The following MRPS15 variants were observed in gnomAD, a reference collection of about 807,000 sequenced individuals.
The protein encoded by MRPS15 is small ribosomal subunit protein uS15m.
In MRPS15, 25 loss-of-function variants were observed where a neutral mutation model predicts 30.7. The observed-to-expected ratio is 0.81, with a 90% CI of 0.59 to 1.14. The LOEUF (loss-of-function observed/expected upper bound fraction) is 1.14. Ranked by LOEUF, MRPS15 falls within the 50% of genes most tolerant of loss-of-function variation. The probability of loss-of-function intolerance (pLI) is 0.00; values close to 1 mark genes in which losing one functional copy is unlikely to be tolerated. For missense variants in MRPS15, 313 were observed against 321.7 expected, an observed-to-expected ratio of 0.97 and a Z score of 0.21; for synonymous variants, 124 against 120.1, an observed-to-expected ratio of 1.03 and a Z score of -0.21.
Position 36,464,320 on chromosome 1 carries a change from G to T in MRPS15, c.-45C>A. 1 of 1,590,650 alleles carries T rather than the reference G, an allele frequency of 6.3e-7. No homozygotes were observed. Among genetic ancestry groups the T allele is most frequent in the Non-Finnish European group, 8.6e-7 (1 of 1,167,832 alleles). ...GGGGCCCGCGCCGCGGCCGCCGTTC[G>T]CTTTGCGGCACGGACCGGGTTACAT... On this transcript the variant is annotated 5_prime_UTR_variant, in exon 1 of 8. Transcript: ENST00000373116.
intron 1 of MRPS15, 23 bp downstream of exon 1, chr1:36,464,123 C>T (rs776577189): frequency 3.1e-6 from 5 of 1,602,346 alleles, no homozygotes; most frequent in Non-Finnish European, 4.3e-6. Context: ...CTACGCCCGC[C>T]GTCCCATTTC....
chr1:36,464,112 C>T (rs1436214835), intron 1 of MRPS15, 34 bp downstream of exon 1: 1 of 1,606,518 alleles, frequency 6.2e-7, no homozygotes, highest in Non-Finnish European at 8.5e-7. Flanking sequence ...ACCCTGTTTC[C>T]CTACGCCCGC....
intron 5 of MRPS15, 80 bp downstream of exon 5, chr1:36,460,612 G>A: frequency 9.3e-7 from 1 of 1,072,432 alleles, no homozygotes; most frequent in Non-Finnish European, 1.4e-6. Context: ...ATGTGCATGT[G>A]CTTGTAGACA....
chr1:36,461,010 G>A (rs1159716724), intron 4 of MRPS15, among the ~76,000 whole-genome samples: 1 of 152,198 alleles, frequency 6.6e-6, no homozygotes, highest in Non-Finnish European at 1.5e-5. Flanking sequence ...TGTCCCCAAA[G>A]CTTGCTCATT....
intron 6 of MRPS15, 152 bp downstream of exon 6, chr1:36,457,771 A>C: frequency 1.5e-6 from 1 of 685,886 alleles, no homozygotes; most frequent in South Asian, 1.8e-5. Flanking sequence ...GACACTCAGC[A>C]TGGCCTTGTA....
In MRPS15 at chr1:36,456,254, G is replaced by A. The variant is rs574008765; in HGVS notation, c.569C>T (p.Thr190Ile). 6.2e-7 allele frequency: 1 copy of A among 1,614,124 alleles called. No homozygotes were observed. Among genetic ancestry groups the A allele is most frequent in the East Asian group, 2.2e-5 (1 of 44,874 alleles). The change falls in exon 7 of 8, where the codon ACC (threonine) becomes ATC (isoleucine). Residue 190 changes from threonine (T) to isoleucine (I), a missense_variant. Physicochemically the swap from Thr to Ile is moderately conservative, Grantham distance 89. Transcript: ENST00000373116. ...KICWGLGIEYTFPPLYYRRAH... is the reference protein window; with the variant it reads ...KICWGLGIEYIFPPLYYRRAH... ...TCTTCGGTAATACAGAGGGGGGAAG[G>A]TGTACTCAATTCCCAGCCCCCAGCA...
At chr1:36,463,779 C>T (rs1650146820) in intron 2 of MRPS15, 27 bp downstream of exon 2, 1 of 1,605,838 alleles carries the variant, frequency 6.2e-7, no homozygotes, top group Admixed American at 1.7e-5. Context: ...TCTCTTCCGC[C>T]CCAAGTCCCA....
chr1:36,461,700 G>T (rs1650102451), intron 3 of MRPS15, among the ~76,000 whole-genome samples: 1 of 152,208 alleles, frequency 6.6e-6, no homozygotes, highest in African/African-American at 2.4e-5. Flanking sequence ...GTGTCAGTCA[G>T]CCCTGGATTC....
chr1:36,456,543 T>C, intron 6 of MRPS15, 165 bp from the exon 7 acceptor site: 1 of 695,966 alleles, frequency 1.4e-6, no homozygotes, highest in African/African-American at 1.8e-5. Context: ...ATTTTACAGA[T>C]GAGAAAACAA....
chr1:36,463,731 C>T (rs974398753), intron 2 of MRPS15, 75 bp downstream of exon 2: 3 of 1,537,250 alleles, frequency 2.0e-6, no homozygotes, highest in Admixed American at 4.0e-5. Flanking sequence ...TAATTCGCCA[C>T]ATCGGTCCCC....
At chr1:36,463,364 G>A (rs1169050147) in intron 2 of MRPS15, among the ~76,000 whole-genome samples, 1 of 152,194 alleles carries the variant, frequency 6.6e-6, no homozygotes, top group African/African-American at 2.4e-5. Flanking sequence ...AACAATCCTT[G>A]CAAATGGATA....
At chr1:36,459,028 G>C (rs566205367) in intron 5 of MRPS15, 2 of 152,338 alleles carry the variant, frequency 1.3e-5, no homozygotes, top group South Asian at 4.1e-4. Flanking sequence ...GTTCCTGAGG[G>C]GTTCTCTAGA....
In MRPS15 at chr1:36,456,267, C is replaced by G. The variant is rs200752024; in HGVS notation, c.556G>C (p.Gly186Arg). 2.1e-4 allele frequency: 339 copies of G among 1,614,170 alleles called. 2 individuals carry two copies. Among genetic ancestry groups the G allele is most frequent in the Middle Eastern group, 6.6e-4 (4 of 6,056 alleles). The change falls in exon 7 of 8, where the codon GGA becomes CGA. Residue 186 changes from glycine to arginine, a missense_variant. By Grantham distance (125) the Gly-to-Arg change is moderately radical. Coordinates refer to ENST00000373116, the MANE Select transcript of MRPS15 (RefSeq NM_031280.4). Reference sequence around the variant, plus strand: ...AGAGGGGGGAAGGTGTACTCAATTCCCAGCCCCCAGCATATCTTCTCAAAG... The same window carrying G: ...AGAGGGGGGAAGGTGTACTCAATTCGCAGCCCCCAGCATATCTTCTCAAAG... ...DVFEKICWGL[G>R]IEYTFPPLYY...
chr1:36,461,854 T>C (rs112529862), intron 3 of MRPS15, among the ~76,000 whole-genome samples: 1,761 of 152,248 alleles, frequency 0.012, 22 homozygotes, highest in African/African-American at 0.033. Context: ...TGGAATCTAG[T>C]GGTACAGGGT....
chr1:36,460,877 G>A (rs1355500912), intron 4 of MRPS15, 101 bp from the exon 5 acceptor site: 3 of 951,676 alleles, frequency 3.2e-6, no homozygotes, highest in South Asian at 2.8e-5. Flanking sequence ...AGCAACTAGG[G>A]CCATAAGGCT....
intron 1 of MRPS15, 42 bp from the exon 2 acceptor site, chr1:36,463,892 G>A: frequency 6.3e-7 from 1 of 1,594,252 alleles, no homozygotes; most frequent in South Asian, 1.1e-5. Context: ...TCCTTAAATA[G>A]CCCACCCCTC....
In MRPS15 at chr1:36,455,885, G is replaced by A; in HGVS notation, c.677C>T (p.Ala226Val). Residue 226 changes from alanine to valine, a missense_variant, in exon 8 of 8, where the codon GCC becomes GTC. Physicochemically the swap from Ala to Val is moderately conservative, Grantham distance 64. Coordinates refer to ENST00000373116, the MANE Select transcript of MRPS15 (RefSeq NM_031280.4). Reference sequence around the variant, plus strand: ...TTGGGCTGCTGCTGCAGCCTTTAAGGCTCTTCTTCGCTTCTTCAGCTTTTG... The same window carrying A: ...TTGGGCTGCTGCTGCAGCCTTTAAGACTCTTCTTCGCTTCTTCAGCTTTTG... ...ETQKLKKRRR[A>V]LKAAAAAQKQ... 6.2e-7 allele frequency: 1 copy of A among 1,613,896 alleles called. No homozygotes were observed.
chr1:36,456,157 G>A, intron 7 of MRPS15, 30 bp downstream of exon 7: 2 of 1,580,780 alleles, frequency 1.3e-6, no homozygotes, highest in Non-Finnish European at 1.7e-6. Context: ...CCTGAGTGGG[G>A]CCAAGCAAAG....
rs555907887 is a variant in MRPS15, at chr1:36,461,291, T to G, written c.273A>C (p.Arg91Ser). The G allele has an allele frequency of 5.0e-6, 8 of 1,613,904 alleles. No individual in the cohort carries two copies. Among genetic ancestry groups the G allele is most frequent in the African/African-American group, 1.3e-5 (1 of 74,900 alleles). Residue 91 changes from arginine (R) to serine (S), a missense_variant, in exon 4 of 8, where the codon AGA (arginine) becomes AGC (serine). Physicochemically the swap from Arg to Ser is moderately radical, Grantham distance 110. Coordinates refer to ENST00000373116, the MANE Select transcript of MRPS15 (RefSeq NM_031280.4). ...GIEKVDDVVKRLLSLEMANKK... is the reference protein window; with the variant it reads ...GIEKVDDVVKSLLSLEMANKK... ...TGTTGGCCATTTCCAAAGACAAGAG[T>G]CTTTTCACGACATCATCAACCCTGT...
Sources: allele counts gnomAD v4.1 joint callset (sites outside exome capture counted in the v4.1 genomes callset), GRCh38; gene constraint gnomAD v4.1.1; transcripts MANE v1.5; gene names NCBI Gene and HGNC (gene_info 2026-07-23, HGNC 2026-07-21).